The following PIAS1 variants were observed in gnomAD, a reference collection of about 807,000 sequenced individuals.
The protein encoded by PIAS1 is protein inhibitor of activated STAT 1, also known as E3 SUMO-protein ligase PIAS1.
In PIAS1, 6 loss-of-function variants were observed where a neutral mutation model predicts 71.3. The observed-to-expected ratio is 0.08, with a 90% CI of 0.05 to 0.17. The LOEUF (loss-of-function observed/expected upper bound fraction) is 0.17, where lower values mean the gene tolerates loss of function less well. Among genes scored for constraint, PIAS1 ranks in the 10% least tolerant of loss-of-function variants. The pLI, the probability that PIAS1 is intolerant of heterozygous loss-of-function variation, is 1.00. For missense variants in PIAS1, 555 were observed against 793.6 expected (o/e 0.70, Z 3.61); for synonymous variants, 303 against 292.9 (o/e 1.03, Z -0.35).
At chr15:68,162,078 C>T (rs1344795015) in intron 7 of PIAS1, among the ~76,000 whole-genome samples, 6 of 151,996 alleles carry the variant, frequency 3.9e-5, no homozygotes, top group Non-Finnish European at 7.4e-5. Context: ...TTAACTCAAT[C>T]CTTAAAACAG....
At chr15:68,074,604 T>G (rs1161841169) in intron 1 of PIAS1, among the ~76,000 whole-genome samples, 1 of 152,262 alleles carries the variant, frequency 6.6e-6, no homozygotes, top group Non-Finnish European at 1.5e-5. Flanking sequence ...TGACTGATTA[T>G]GATAAACCTC....
chr15:68,067,924 C>A (rs1156568181), intron 1 of PIAS1, among the ~76,000 whole-genome samples: 6 of 152,138 alleles, frequency 3.9e-5, no homozygotes, highest in Non-Finnish European at 8.8e-5. Flanking sequence ...AGGAGTGAAA[C>A]AGTAGTTTTG....
intron 2 of PIAS1, among the ~76,000 whole-genome samples, chr15:68,089,143 A>G (rs1269387866): frequency 6.6e-6 from 1 of 152,178 alleles, no homozygotes; most frequent in Non-Finnish European, 1.5e-5. Context: ...GTTTTTATGC[A>G]TGGTTTTGTA....
intron 2 of PIAS1, among the ~76,000 whole-genome samples, chr15:68,138,937 A>G (rs2092751930): frequency 6.6e-6 from 1 of 152,210 alleles, no homozygotes; most frequent in African/African-American, 2.4e-5. Context: ...AATGGCTGTC[A>G]CTGGATGGTG....
intron 1 of PIAS1, among the ~76,000 whole-genome samples, chr15:68,064,690 T>TC (rs1567023584): frequency 6.6e-6 from 1 of 152,184 alleles, no homozygotes; most frequent in Non-Finnish European, 1.5e-5. Context: ...CTCTATTTTT[T>TC]CCCAACTCTA....
chr15:68,064,768 G>A (rs2091998659), intron 1 of PIAS1, among the ~76,000 whole-genome samples: 1 of 152,248 alleles, frequency 6.6e-6, no homozygotes, highest in African/African-American at 2.4e-5. Flanking sequence ...CAGATTGAAT[G>A]GAAAAGTAGA....
chr15:68,161,674 T>C (rs754707773), intron 7 of PIAS1, among the ~76,000 whole-genome samples: 19 of 152,060 alleles, frequency 1.2e-4, no homozygotes, highest in Non-Finnish European at 2.6e-4. Context: ...GCTATGCCCA[T>C]ATTCCCAATA....
chr15:68,158,047 C>T (rs940769965), intron 7 of PIAS1, among the ~76,000 whole-genome samples: 2 of 152,136 alleles, frequency 1.3e-5, no homozygotes, highest in African/African-American at 4.8e-5. Context: ...CCTCTGGTAG[C>T]CTCCTAAGTG....
chr15:68,166,341 T>A (rs1165616673), intron 8 of PIAS1, among the ~76,000 whole-genome samples: 3 of 151,984 alleles, frequency 2.0e-5, no homozygotes, highest in African/African-American at 7.2e-5. Flanking sequence ...TGTGGTTTTT[T>A]TGTTTTTTTA....
rs1003463068 is a variant in PIAS1, at chr15:68,173,916, G to T, written c.1169+24G>T. On this transcript the variant is annotated intron_variant, in intron 9 of 13. Transcript: ENST00000249636. The surrounding 1 kb of genome is among the most constrained non-coding windows in gnomAD (Gnocchi z 4.3). ...GGGTATGTTACTTTAAGTGTTTTTG[G>T]TACCTTGAAATGACCATATATTATC... is the stretch of plus-strand genomic sequence containing the variant. 1 of 1,426,362 alleles carries T rather than the reference G, an allele frequency of 7.0e-7. No individual in the cohort carries two copies. The highest frequency in any genetic ancestry group is 9.4e-7 in the Non-Finnish European group (1 of 1,066,676). The allele number at this position is 1,426,362 out of a possible 1,614,324, so 88.4% of individuals were successfully genotyped here.
intron 6 of PIAS1, among the ~76,000 whole-genome samples, chr15:68,151,125 C>T (rs1189495851): frequency 6.6e-6 from 1 of 151,768 alleles, no homozygotes; most frequent in Non-Finnish European, 1.5e-5. Flanking sequence ...TTAGCAGGAA[C>T]AATAAAATAC....
intron 1 of PIAS1, chr15:68,057,523 G>GT (rs1409652029): frequency 2.3e-6 from 1 of 434,706 alleles, no homozygotes; most frequent in East Asian, 7.7e-5. Flanking sequence ...TTTTAGTGGA[G>GT]TAAATAATGA....
chr15:68,146,353 C>A (rs555407516), intron 5 of PIAS1, among the ~76,000 whole-genome samples: 2 of 152,092 alleles, frequency 1.3e-5, no homozygotes, highest in Non-Finnish European at 2.9e-5. Context: ...GAATTTTCAT[C>A]ACTAATAGTT....
intron 7 of PIAS1, among the ~76,000 whole-genome samples, chr15:68,156,242 T>C (rs778655576): frequency 2.6e-5 from 4 of 152,230 alleles, no homozygotes; most frequent in Non-Finnish European, 5.9e-5. Context: ...AGTTTTGACA[T>C]GTGCCTTGAA....
intron 2 of PIAS1, among the ~76,000 whole-genome samples, chr15:68,139,546 A>G (rs1482245529): frequency 6.6e-6 from 1 of 152,172 alleles, no homozygotes; most frequent in Non-Finnish European, 1.5e-5. Context: ...ATTTGGGATG[A>G]TGTGTGTGCT....
At position 68,185,442 on chromosome 15, in the gene PIAS1, A is replaced by T. The variant is rs1364091853; in HGVS notation, c.1662+1775A>T. On this transcript the variant is annotated intron_variant, in intron 13 of 13. Coordinates refer to ENST00000249636, the MANE Select transcript of PIAS1 (RefSeq NM_016166.3). The surrounding 1 kb of genome is among the most constrained non-coding windows in gnomAD (Gnocchi z 4.4). The stretch of plus-strand genomic sequence containing the variant: ...CAAGGCTGTGGTTGACATGGCAAAC[A>T]ACTTTAACCTAGATGTAGATGAGGA... Among the ~76,000 whole-genome samples the T allele has an allele frequency of 1.3e-5, 2 of 152,218 alleles. No individual in the cohort carries two copies. Among genetic ancestry groups the T allele is most frequent in the African/African-American group, 2.4e-5 (1 of 41,452 alleles).
chr15:68,170,181 C>A (rs969708752), intron 8 of PIAS1, among the ~76,000 whole-genome samples: 4 of 152,158 alleles, frequency 2.6e-5, no homozygotes, highest in African/African-American at 9.7e-5. Context: ...AAATAACAAT[C>A]AGTTTTGCAT....
chr15:68,087,071 TACA>T (rs2092289664), intron 2 of PIAS1, among the ~76,000 whole-genome samples: 2 of 152,334 alleles, frequency 1.3e-5, no homozygotes, highest in South Asian at 4.1e-4. Context: ...AATGAATCAC[TACA>T]AGTCTCTGAT....
At chr15:68,067,146 TC>T (rs1334343644) in intron 1 of PIAS1, among the ~76,000 whole-genome samples, 3 of 152,160 alleles carry the variant, frequency 2.0e-5, no homozygotes, top group Non-Finnish European at 2.9e-5. Context: ...GTTCAGTTGT[TC>T]CAGTAATCCT....
Sources: allele counts gnomAD v4.1 joint callset (sites outside exome capture counted in the v4.1 genomes callset), GRCh38; gene constraint gnomAD v4.1.1; non-coding constraint Gnocchi (gnomAD v3.1); transcripts MANE v1.5; gene names NCBI Gene and HGNC (gene_info 2026-07-23, HGNC 2026-07-21).